The following ADAMTSL1 variants were observed in gnomAD, a reference collection of about 807,000 sequenced individuals.
ADAMTSL1 encodes the protein ADAMTS-like protein 1.
Under a neutral mutation model 201.8 loss-of-function variants are expected in ADAMTSL1, and 126 were observed. The observed-to-expected ratio is 0.62, with a 90% CI of 0.54 to 0.72. The LOEUF (loss-of-function observed/expected upper bound fraction) is 0.72. ADAMTSL1 is among the 30% of genes least tolerant of loss of function. The probability of loss-of-function intolerance (pLI) is 0.00; values close to 1 mark genes in which losing one functional copy is unlikely to be tolerated. For synonymous variants in ADAMTSL1, 1,121 were observed against 903.4 expected (o/e 1.24, Z -4.32); for missense variants, 2,679 against 2,277.8 (o/e 1.18, Z -3.59).
chr9:18,409,990 C>T (rs1818367088), intron 2 of ADAMTSL1, among the ~76,000 whole-genome samples: 2 of 151,522 alleles, frequency 1.3e-5, no homozygotes, highest in Admixed American at 1.3e-4. Context: ...AGTATCTTTG[C>T]TTTCTTCCTG....
At chr9:18,710,669 T>TTA (rs1564170534) in intron 14 of ADAMTSL1, among the ~76,000 whole-genome samples, 1 of 143,468 alleles carries the variant, frequency 7.0e-6, no homozygotes, top group Non-Finnish European at 1.5e-5. Context: ...AAGTTTTGTT[T>TTA]TGTTTTTTTT....
At chr9:18,396,967 A>G (rs1563933234) in intron 2 of ADAMTSL1, among the ~76,000 whole-genome samples, 1 of 151,652 alleles carries the variant, frequency 6.6e-6, no homozygotes, top group Non-Finnish European at 1.5e-5. Flanking sequence ...ATGCCTCTTT[A>G]TATCGTAACA....
rs1376238204 is a variant in ADAMTSL1, at chr9:18,748,068, G to A, written c.2007-5230G>A. 7.2e-5 allele frequency among the ~76,000 whole-genome samples: 11 copies of A among 152,196 alleles called. 1 individual carries two copies. The highest frequency in any genetic ancestry group is 2.6e-4 in the Admixed American group (4 of 15,280). On this transcript the variant is annotated intron_variant, in intron 15 of 28. Coordinates refer to ENST00000380548, the MANE Select transcript of ADAMTSL1 (RefSeq NM_001040272.6). ...GGTACTGGGCAGGGTCAAGCCAGGA[G>A]GGCTTCAGCTTGATCTGTCAACTCA...
intron 2 of ADAMTSL1, among the ~76,000 whole-genome samples, chr9:18,403,194 AT>A (rs1264228468): frequency 1.4e-5 from 2 of 146,890 alleles, no homozygotes; most frequent in Non-Finnish European, 3.0e-5. Context: ...TTATTATTTT[AT>A]TTTTTTGAGA....
intron 15 of ADAMTSL1, among the ~76,000 whole-genome samples, chr9:18,738,537 G>C (rs1818645593): frequency 6.6e-6 from 1 of 151,932 alleles, no homozygotes; most frequent in African/African-American, 2.4e-5. Flanking sequence ...GCTTGGGGTA[G>C]AAACACTCTC....
At chr9:18,559,246 C>T (rs541416196) in intron 3 of ADAMTSL1, among the ~76,000 whole-genome samples, 2 of 152,266 alleles carry the variant, frequency 1.3e-5, no homozygotes, top group East Asian at 3.9e-4. Context: ...TTTCCCAACA[C>T]CATTTATTAA....
At chr9:17,930,126 T>C (rs1165243841) in intron 1 of ADAMTSL1, among the ~76,000 whole-genome samples, 1 of 152,150 alleles carries the variant, frequency 6.6e-6, no homozygotes, top group Non-Finnish European at 1.5e-5. Context: ...AATCCTGAAA[T>C]CTCAGAGTTT....
intron 2 of ADAMTSL1, among the ~76,000 whole-genome samples, chr9:18,402,132 A>T (rs1818010697): frequency 6.6e-6 from 1 of 152,108 alleles, no homozygotes; most frequent in South Asian, 2.1e-4. Flanking sequence ...CCCTGAAACC[A>T]TCCAGAAGGC....
intron 1 of ADAMTSL1, among the ~76,000 whole-genome samples, chr9:18,480,204 C>A (rs546699303): frequency 6.6e-6 from 1 of 152,156 alleles, no homozygotes; most frequent in South Asian, 2.1e-4. Context: ...TCACTAAAAC[C>A]TGTTTCTTCT....
chr9:18,435,470 G>A (rs1819686644), intron 2 of ADAMTSL1, among the ~76,000 whole-genome samples: 2 of 152,164 alleles, frequency 1.3e-5, no homozygotes, highest in Admixed American at 6.5e-5. Flanking sequence ...ACACTGATCT[G>A]TGTTATGAAG....
intron 2 of ADAMTSL1, among the ~76,000 whole-genome samples, chr9:18,407,397 G>C (rs1818252105): frequency 6.6e-6 from 1 of 152,134 alleles, no homozygotes; most frequent in Non-Finnish European, 1.5e-5. Flanking sequence ...ATAGAGATTT[G>C]GGAATTCTCA....
intron 2 of ADAMTSL1, among the ~76,000 whole-genome samples, chr9:18,467,346 A>G (rs1300747817): frequency 6.6e-6 from 1 of 152,232 alleles, no homozygotes; most frequent in East Asian, 1.9e-4. Flanking sequence ...ACCACAGAGG[A>G]AAATAACTCT....
intron 1 of ADAMTSL1, among the ~76,000 whole-genome samples, chr9:17,965,024 A>T (rs942780330): frequency 1.8e-4 from 28 of 152,170 alleles, no homozygotes; most frequent in African/African-American, 6.7e-4. Context: ...AAGTGCTGGG[A>T]TTACAGGTGT....
intron 1 of ADAMTSL1, among the ~76,000 whole-genome samples, chr9:18,021,296 G>C (rs1043246866): frequency 2.0e-5 from 3 of 152,120 alleles, no homozygotes; most frequent in African/African-American, 7.2e-5. Context: ...ATTTTCTTCT[G>C]TGGAGTAGTG....
chr9:18,218,317 T>C lies in ADAMTSL1; in HGVS notation c.207+54336T>C, dbSNP rs376730649. ...GACATGATTTAGCTGGAATCACCAC[T>C]GAGTGAGGCATTTCATTTAATTTTG... On this transcript the variant is annotated intron_variant, in intron 2 of 29. Transcript: ENST00000680146. Among the ~76,000 whole-genome samples, 7 of 152,280 alleles carry C rather than the reference T, an allele frequency of 4.6e-5. No individual in the cohort carries two copies. In the East Asian group the frequency reaches 9.7e-4, roughly 21 times the overall value.
intron 1 of ADAMTSL1, among the ~76,000 whole-genome samples, chr9:18,064,955 T>G (rs1454440090): frequency 2.6e-4 from 1 of 3,846 alleles, no homozygotes; most frequent in Non-Finnish European, 5.3e-4. Flanking sequence ...TTGCTAAAGA[T>G]TTTTTTTTTT....
At chr9:18,621,997 C>A (rs66470044) in intron 4 of ADAMTSL1, among the ~76,000 whole-genome samples, 1 of 152,018 alleles carries the variant, frequency 6.6e-6, no homozygotes, top group East Asian at 1.9e-4. Flanking sequence ...TCCCTATTCT[C>A]TCTCATTCTC....
intron 1 of ADAMTSL1, chr9:17,907,061 G>A (rs560715117): frequency 6.5e-6 from 1 of 152,862 alleles, no homozygotes; most frequent in East Asian, 1.9e-4. Context: ...CCCAGGCTGG[G>A]GACAAGTGGC....
At chr9:18,573,403 T>G (rs1001312338) in intron 3 of ADAMTSL1, 7 of 155,466 alleles carry the variant, frequency 4.5e-5, no homozygotes, top group South Asian at 2.0e-4. Flanking sequence ...CCCACCCATC[T>G]AAGGAGGAAG....
Sources: allele counts gnomAD v4.1 joint callset (sites outside exome capture counted in the v4.1 genomes callset), GRCh38; gene constraint gnomAD v4.1.1; transcripts MANE v1.5; gene names NCBI Gene and HGNC (gene_info 2026-07-23, HGNC 2026-07-21).